Variants in PCDHGB4 observed in about 807,000 individuals in gnomAD.
PCDHGB4 encodes protocadherin gamma subfamily B, 4.
In PCDHGB4, 38 loss-of-function variants were observed where a neutral mutation model predicts 60.5. That is an observed-to-expected ratio of 0.63 (90% CI 0.48 to 0.82). The LOEUF is 0.82. Among genes scored for constraint, PCDHGB4 ranks in the 40% least tolerant of loss-of-function variants. The probability of loss-of-function intolerance (pLI) is 0.00; values close to 1 mark genes in which losing one functional copy is unlikely to be tolerated. For missense variants in PCDHGB4, 1,109 were observed against 1,209.6 expected (o/e 0.92, Z 1.23); for synonymous variants, 456 against 509.7 (o/e 0.89, Z 1.42).
Position 141,443,030 on chromosome 5 carries a change from C to A in PCDHGB4, c.2398-51777C>A, listed in dbSNP as rs147317486. ...ATATGACTAATGGAAGTTGCCAGAC[C>A]TAAACTTTGAAAATTATTGTTCCAC... On this transcript the variant is annotated intron_variant, in intron 1 of 3. Transcript: ENST00000519479. Among the ~76,000 whole-genome samples, 31 of 152,290 alleles carry A rather than the reference C, an allele frequency of 2.0e-4. No individual in the cohort carries two copies. The East Asian group carries it at 3.5e-3, about 17-fold the overall frequency.
chr5:141,413,256 A>G (rs1255086187), intron 1 of PCDHGB4: 2 of 1,613,946 alleles, frequency 1.2e-6, no homozygotes, highest in Admixed American at 1.7e-5. Context: ...TCGGGATTCC[A>G]TGGGAGGCTG....
rs1016254258 is a variant in PCDHGB4 at position 141,489,870 on chromosome 5, G to C, written c.2398-4937G>C. ...GTGAAGCCCAGGCAAGACATCAGCT[G>C]GTGCTTACTGCTGTGGATGGGGGGA... On this transcript the variant is annotated intron_variant, in intron 1 of 3. Transcript: ENST00000519479. The surrounding 1 kb of genome is among the most constrained non-coding windows in gnomAD (Gnocchi z 4.5). The C allele has an allele frequency of 2.0e-5, 32 of 1,614,102 alleles. No homozygotes were observed. Among genetic ancestry groups the C allele is most frequent in the African/African-American group, 4.0e-5 (3 of 74,944 alleles).
chr5:141,485,882 G>C lies in PCDHGB4; in HGVS notation c.2398-8925G>C. 6.2e-7 allele frequency: 1 copy of C among 1,614,146 alleles called. No homozygotes were observed. On this transcript the variant is annotated intron_variant, in intron 1 of 3. Transcript: ENST00000519479. The surrounding 1 kb of genome is among the most constrained non-coding windows in gnomAD (Gnocchi z 5.7). ...CCGGGTATCCGTGCTGGACGTAAACGACAACGCCCCAGCCTTCCAGCAATC... is the reference window on the plus strand; with the variant it reads ...CCGGGTATCCGTGCTGGACGTAAACCACAACGCCCCAGCCTTCCAGCAATC...
chr5:141,395,459 T>C (rs2093235244), intron 1 of PCDHGB4: 1 of 602,046 alleles, frequency 1.7e-6, no homozygotes, highest in African/African-American at 1.9e-5. Context: ...TCAACCATTT[T>C]AAGCCTTCCA....
At chr5:141,392,979 C>T (rs1356713892) in intron 1 of PCDHGB4, 4 of 1,613,718 alleles carry the variant, frequency 2.5e-6, no homozygotes, top group Admixed American at 1.7e-5. Context: ...GGGGCTGGAC[C>T]CCCGGAAGCT....
intron 1 of PCDHGB4, among the ~76,000 whole-genome samples, chr5:141,448,842 G>A (rs943887884): frequency 6.6e-6 from 1 of 152,182 alleles, no homozygotes; most frequent in Non-Finnish European, 1.5e-5. Context: ...CTACTCTGGA[G>A]GCTGAGGCAG....
In PCDHGB4 at chr5:141,491,607, T is replaced by G; in HGVS notation, c.2398-3200T>G. On this transcript the variant is annotated intron_variant, in intron 1 of 3. Coordinates refer to ENST00000519479, the MANE Select transcript of PCDHGB4 (RefSeq NM_003736.4). The surrounding 1 kb of genome is among the most constrained non-coding windows in gnomAD (Gnocchi z 6.9). ...CCTCGGACGGCAGTGACTTCACTTT[T>G]CTAAGACCCCTCAGCGTTCAGCAGC... 6.2e-7 allele frequency: 1 copy of G among 1,613,932 alleles called. No homozygotes were observed. The highest frequency in any genetic ancestry group is 1.1e-5 in the South Asian group (1 of 91,084).
chr5:141,474,505 A>G (rs2099350724), intron 1 of PCDHGB4, among the ~76,000 whole-genome samples: 2 of 152,248 alleles, frequency 1.3e-5, no homozygotes, highest in Admixed American at 6.5e-5. Context: ...AATGCCTATC[A>G]GCCCTCTTGC....
chr5:141,392,802 A>G (rs2092597829), intron 1 of PCDHGB4: 7 of 1,572,582 alleles, frequency 4.5e-6, no homozygotes, highest in Non-Finnish European at 6.0e-6. Context: ...AGGATTCTGC[A>G]GCAAAACAAC....
chr5:141,486,909 C>T lies in PCDHGB4; in HGVS notation c.2398-7898C>T, dbSNP rs759702188. ...CGGCCTGGTTCCTTATGTCCCCAAGCACTGCCTCCATCAGTTGGTGCTGGC... is the reference window on the plus strand; with the variant it reads ...CGGCCTGGTTCCTTATGTCCCCAAGTACTGCCTCCATCAGTTGGTGCTGGC... On this transcript the variant is annotated intron_variant, in intron 1 of 3. Transcript: ENST00000519479. This position sits in a 1 kb window ranked among gnomAD's most constrained non-coding sequence, Gnocchi z 5.0. 2 of 1,614,262 alleles carry T rather than the reference C, an allele frequency of 1.2e-6. No homozygotes were observed. Among genetic ancestry groups the T allele is most frequent in the Non-Finnish European group, 1.7e-6 (2 of 1,180,054 alleles).
In PCDHGB4 at chr5:141,490,803, C is replaced by A; in HGVS notation, c.2398-4004C>A. The A allele has an allele frequency of 6.2e-7, 1 of 1,613,956 alleles. No homozygotes were observed. Among genetic ancestry groups the A allele is most frequent in the South Asian group, 1.1e-5 (1 of 91,080 alleles). On this transcript the variant is annotated intron_variant, in intron 1 of 3. Transcript: ENST00000519479. The surrounding 1 kb of genome is among the most constrained non-coding windows in gnomAD (Gnocchi z 5.4). ...ATGGACGGATCTTTGCCCAGCGTAC[C>A]TTTGACTATGAATTGCTGCAGATGC...
chr5:141,392,629 T>C, intron 1 of PCDHGB4: 1 of 598,736 alleles, frequency 1.7e-6, no homozygotes, highest in East Asian at 3.0e-5. Flanking sequence ...AACACTCAGA[T>C]CTCACACCTC....
chr5:141,491,794 TCCGG>T lies in PCDHGB4; in HGVS notation c.2398-3007_2398-3004del. The T allele has an allele frequency of 6.6e-7, 1 of 1,511,056 alleles. No homozygotes were observed. The highest frequency in any genetic ancestry group is 8.8e-7 in the Non-Finnish European group (1 of 1,130,146). 93.6% of individuals were successfully genotyped at this position (1,511,056 alleles called of 1,614,324 possible). A position where few individuals can be genotyped will look rare whatever the true frequency, so the allele number is the denominator to read the frequency against. Reference sequence around the variant, plus strand: ...GGGATTGAACTTGCATCCACTCCTCTCCGGCCGGCTTGGTCGCTGGCTGCGCTCC... The same window carrying T: ...GGGATTGAACTTGCATCCACTCCTCTCCGGCTTGGTCGCTGGCTGCGCTCC... On this transcript the variant is annotated intron_variant, in intron 1 of 3. Transcript: ENST00000519479. The surrounding 1 kb of genome is among the most constrained non-coding windows in gnomAD (Gnocchi z 6.9).
At position 141,431,392 on chromosome 5, in the gene PCDHGB4, C is replaced by T. The variant is rs572129534; in HGVS notation, c.2397+41111C>T. 3 of 1,613,888 alleles carry T rather than the reference C, an allele frequency of 1.9e-6. No homozygotes were observed. Among genetic ancestry groups the T allele is most frequent in the Non-Finnish European group, 2.5e-6 (3 of 1,180,048 alleles). On this transcript the variant is annotated intron_variant, in intron 1 of 3. Transcript: ENST00000519479. The surrounding 1 kb of genome is among the most constrained non-coding windows in gnomAD (Gnocchi z 4.8). ...AAGAAAAGGCTGCTCACCACCTGGT[C>T]CTTACGGCCTCCGACGGGGGCGACC... is the stretch of plus-strand genomic sequence containing the variant.
chr5:141,391,071 T>C (rs905482954), intron 1 of PCDHGB4: 2 of 152,220 alleles, frequency 1.3e-5, no homozygotes, highest in African/African-American at 4.8e-5. Context: ...CCCTAATATA[T>C]AATGTGTAAC....
Position 141,491,422 on chromosome 5 carries a change from G to A in PCDHGB4, c.2398-3385G>A. 1 of 1,614,112 alleles carries A rather than the reference G, an allele frequency of 6.2e-7. No individual in the cohort carries two copies. Among genetic ancestry groups the A allele is most frequent in the East Asian group, 2.2e-5 (1 of 44,874 alleles). On this transcript the variant is annotated intron_variant, in intron 1 of 3. Coordinates refer to ENST00000519479, the MANE Select transcript of PCDHGB4 (RefSeq NM_003736.4). The surrounding 1 kb of genome is among the most constrained non-coding windows in gnomAD (Gnocchi z 6.9). The stretch of plus-strand genomic sequence containing the variant: ...AAACGCAGACGGGGACGGGGGTGGA[G>A]GGCAGTGCTGCAGGCGCCAGGACTC...
intron 1 of PCDHGB4, chr5:141,403,867 A>C (rs755401788): frequency 1.1e-5 from 17 of 1,613,606 alleles, no homozygotes; most frequent in Admixed American, 3.3e-5. Flanking sequence ...CAACAGCAAA[A>C]AGTCTAGATT....
At chr5:141,413,450 G>T (rs2095642221) in intron 1 of PCDHGB4, 1 of 1,614,148 alleles carries the variant, frequency 6.2e-7, no homozygotes, top group Non-Finnish European at 8.5e-7. Context: ...ATCACCGCGG[G>T]CAGGATAGAC....
intron 1 of PCDHGB4, chr5:141,415,481 A>G: frequency 1.9e-6 from 3 of 1,614,114 alleles, no homozygotes; most frequent in Non-Finnish European, 1.7e-6. Flanking sequence ...GACTCGCGAA[A>G]GAGTCACCTG....
Sources: gnomAD v4.1 joint callset for allele counts (sites outside exome capture counted in the v4.1 genomes callset) on GRCh38, gnomAD v4.1.1 for gene constraint, Gnocchi (gnomAD v3.1) non-coding constraint, MANE v1.5 for transcripts, NCBI Gene and HGNC (gene_info 2026-07-23, HGNC 2026-07-21) for gene names.